Variants in PARP10 observed in about 807,000 individuals in gnomAD.
The protein encoded by PARP10 is poly(ADP-ribose) polymerase family member 10, also known as protein mono-ADP-ribosyltransferase PARP10.
A neutral mutation model predicts 82.4 loss-of-function variants in PARP10; 56 were observed. The observed-to-expected ratio is 0.68, with a 90% CI of 0.55 to 0.85. PARP10 has a LOEUF of 0.85. Among genes scored for constraint, PARP10 ranks in the 40% least tolerant of loss-of-function variants. The pLI is 0.00. For synonymous variants in PARP10, 576 were observed against 601.1 expected (o/e 0.96, Z 0.61); for missense variants, 1,227 against 1,379.4 (o/e 0.89, Z 1.75).
In PARP10 at chr8:143,985,452, G is replaced by T. The variant is rs373084747; in HGVS notation, c.633C>A (p.Pro211=). The change falls in exon 4 of 11, where the codon CCC becomes CCA. Residue 211 remains proline, a synonymous_variant. Transcript: ENST00000313028. ...GGPLEDLQRL[P]GPLGTVASFQ... ...AGGAGGCAACAGTGCCCAGGGGCCC[G>T]GGTAGGCGTTGCAGGTCCTCCAGGG... 1 of 1,612,004 alleles carries T rather than the reference G, an allele frequency of 6.2e-7. No individual in the cohort carries two copies. The highest frequency in any genetic ancestry group is 1.3e-5 in the African/African-American group (1 of 74,864).
upstream of PARP10, chr8:143,992,018 C>G: frequency 6.2e-7 from 1 of 1,613,948 alleles, no homozygotes; most frequent in Non-Finnish European, 8.5e-7. Flanking sequence ...TCATCTCTCT[C>G]ATCGTCCTCA....
At chr8:143,986,810 A>G, upstream of PARP10, 1 of 229,056 alleles carries the variant, frequency 4.4e-6, no homozygotes, top group East Asian at 1.2e-4. Context: ...TGTGTCCATG[A>G]CACCCTCTGC....
At chr8:143,986,254 G>A (rs376813838) in intron 1 of PARP10, 21 bp from the exon 2 acceptor site, 174 of 1,613,726 alleles carry the variant, frequency 1.1e-4, no homozygotes, top group Admixed American at 1.8e-4. Context: ...GCATCAGGTG[G>A]GTAGGGAAAC....
chr8:143,993,761 C>G (rs903008961), upstream of PARP10, among the ~76,000 whole-genome samples: 17 of 152,342 alleles, frequency 1.1e-4, no homozygotes, highest in African/African-American at 4.1e-4. Flanking sequence ...CCAGGGCAGC[C>G]TGCCATGCTC....
intron 9 of PARP10, among the ~76,000 whole-genome samples, chr8:143,982,285 T>C (rs531139793): frequency 1.3e-3 from 203 of 152,104 alleles, no homozygotes; most frequent in Admixed American, 5.7e-3. Flanking sequence ...CTGGCTAACA[T>C]GGTGAAACCC....
upstream of PARP10, among the ~76,000 whole-genome samples, chr8:143,994,420 A>G (rs1834146774): frequency 6.6e-6 from 1 of 151,882 alleles, no homozygotes; most frequent in Non-Finnish European, 1.5e-5. Context: ...TGTGTTTCTG[A>G]AACATCAATC....
At chr8:144,005,193 A>AT (rs1834227356) in intron 1 of PARP10, among the ~76,000 whole-genome samples, 2 of 151,300 alleles carry the variant, frequency 1.3e-5, no homozygotes, top group Non-Finnish European at 2.9e-5. Flanking sequence ...AAAAAAAAAA[A>AT]GCTACCAAGA....
chr8:143,985,241 T>G lies in PARP10; in HGVS notation c.761A>C (p.Glu254Ala). 1 of 1,614,006 alleles carries G rather than the reference T, an allele frequency of 6.2e-7. No homozygotes were observed. Among genetic ancestry groups the G allele is most frequent in the Non-Finnish European group, 8.5e-7 (1 of 1,179,998 alleles). The change falls in exon 5 of 11, where the codon GAG becomes GCG. Residue 254 changes from glutamate (E) to alanine (A), a missense_variant. Glu to Ala is a moderately radical substitution (Grantham distance 107). Transcript: ENST00000313028. ...CCCTCCACTGGTGTTCTCAGCCAGC[T>G]CCTCGGGCTCCAGGATGTCGTAGTG... ...VPHYDILEPEELAENTSGGDH... is the reference protein window; with the variant it reads ...VPHYDILEPEALAENTSGGDH...
intron 1 of PARP10, among the ~76,000 whole-genome samples, chr8:144,004,261 A>G (rs868996328): frequency 6.6e-6 from 1 of 152,198 alleles, no homozygotes; most frequent in Non-Finnish European, 1.5e-5. Context: ...TGTCTCAGAA[A>G]AAAAAAGAAG....
At chr8:143,997,863 C>T (rs901411425) in intron 1 of PARP10, among the ~76,000 whole-genome samples, 1 of 151,844 alleles carries the variant, frequency 6.6e-6, no homozygotes, top group Non-Finnish European at 1.5e-5. Flanking sequence ...TGGGTCACTG[C>T]ACCTCAACCT....
At chr8:143,998,312 G>A (rs188289235) in intron 1 of PARP10, among the ~76,000 whole-genome samples, 1 of 152,116 alleles carries the variant, frequency 6.6e-6, no homozygotes, top group Non-Finnish European at 1.5e-5. Flanking sequence ...CTTGGACCAG[G>A]GGCAGATGTG....
Position 143,985,198 on chromosome 8 carries a change from C to G in PARP10, c.804G>C (p.Gln268His), listed in dbSNP as rs782042482. 4.3e-6 allele frequency: 7 copies of G among 1,614,054 alleles called. No homozygotes were observed. Among genetic ancestry groups the G allele is most frequent in the Middle Eastern group, 1.6e-4 (1 of 6,084 alleles). The change falls in exon 5 of 11, where the codon CAG becomes CAC. Residue 268 changes from glutamine (Q) to histidine (H), a missense_variant. By Grantham distance (24) the Gln-to-His change is conservative (BLOSUM62 0). Coordinates refer to ENST00000313028, the MANE Select transcript of PARP10 (RefSeq NM_032789.5). ...GAGCATGCTTGGTAGCCCTAGGCCC[C>G]TGGGTGGACGGGTGGTCCCCTCCAC... ...NTSGGDHPST[Q>H]GPRATKHALL...
At position 143,985,603 on chromosome 8, in the gene PARP10, CCCTCCAGGCCCAGATTCTGGGCCTGCT is replaced by C. The variant is rs1179944599; in HGVS notation, c.455_481del (p.Glu152_Glu160del). The C allele has an allele frequency of 1.9e-6, 3 of 1,613,966 alleles. No individual in the cohort carries two copies. The highest frequency in any genetic ancestry group is 1.3e-5 in the African/African-American group (1 of 75,052). ...AACCCGGGCCAGGGACACCAAGGTCCCCTCCAGGCCCAGATTCTGGGCCTGCTCCTCCAGGACACGGACATCTGTGGG... is the reference window on the plus strand; with the variant it reads ...AACCCGGGCCAGGGACACCAAGGTCCCCTCCAGGACACGGACATCTGTGGG... On this transcript the variant is annotated inframe_deletion, in exon 4 of 11. Transcript: ENST00000313028.
At chr8:143,996,274 A>G (rs1554751300) in intron 1 of PARP10, among the ~76,000 whole-genome samples, 1 of 152,268 alleles carries the variant, frequency 6.6e-6, no homozygotes. Context: ...AAAACAAGTT[A>G]TATACGTAAG....
In PARP10 at chr8:143,977,377, G is replaced by C. The variant is rs1022039909; in HGVS notation, c.*107C>G. 8.2e-5 allele frequency: 90 copies of C among 1,097,266 alleles called. 1 individual carries two copies. The East Asian group carries it at 1.7e-3, about 21-fold the overall frequency. The allele number at this position is 1,097,266 out of a possible 1,614,324, so 68.0% of individuals were successfully genotyped here. On this transcript the variant is annotated 3_prime_UTR_variant, in exon 11 of 11. Transcript: ENST00000313028. ...TTCTGGAGCCCGCAGAGGGAGGCAG[G>C]GGCGTCCCCGGGGACAGCTCAGGCG...
At chr8:144,003,735 T>A (rs1431339018) in intron 1 of PARP10, among the ~76,000 whole-genome samples, 2 of 151,758 alleles carry the variant, frequency 1.3e-5, no homozygotes, top group Non-Finnish European at 2.9e-5. Context: ...GCAACAGAAA[T>A]CTGCATAGGG....
At chr8:143,989,604 T>C (rs1376324038), upstream of PARP10, 2 of 151,820 alleles carry the variant, frequency 1.3e-5, no homozygotes, top group African/African-American at 2.4e-5. This position sits in a 1 kb window ranked among gnomAD's most constrained non-coding sequence, Gnocchi z 4.3. Flanking sequence ...CCACAAGAAT[T>C]AAAAAAATAA....
At chr8:143,981,326 G>T (rs1833847434) in intron 9 of PARP10, among the ~76,000 whole-genome samples, 1 of 123,868 alleles carries the variant, frequency 8.1e-6, no homozygotes, top group Non-Finnish European at 1.8e-5. Flanking sequence ...TGATGGTGGT[G>T]ACGACAGTGA....
intron 9 of PARP10, among the ~76,000 whole-genome samples, chr8:143,979,759 C>T (rs539379113): frequency 6.2e-4 from 94 of 152,304 alleles, no homozygotes; most frequent in African/African-American, 2.1e-3. Flanking sequence ...GGCATGGTGG[C>T]TCACGCCTGT....
Sources: gnomAD v4.1 joint callset for allele counts (sites outside exome capture counted in the v4.1 genomes callset) on GRCh38, gnomAD v4.1.1 for gene constraint, Gnocchi (gnomAD v3.1) non-coding constraint, MANE v1.5 for transcripts, NCBI Gene and HGNC (gene_info 2026-07-23, HGNC 2026-07-21) for gene names.